The following FHOD3 variants were observed in gnomAD, a reference collection of about 807,000 sequenced individuals.
FHOD3 encodes the protein formin homology 2 domain containing 3, also known as FH1/FH2 domain-containing protein 3.
In FHOD3, 90 loss-of-function variants were observed where a neutral mutation model predicts 173.0. The ratio of observed to expected loss-of-function variants is 0.52; its 90% confidence interval spans 0.44 to 0.62. The LOEUF (loss-of-function observed/expected upper bound fraction) is 0.62. Among genes scored for constraint, FHOD3 ranks in the 20% least tolerant of loss-of-function variants. The pLI is 0.00. For synonymous variants in FHOD3, 828 were observed against 823.0 expected (o/e 1.01, Z -0.10); for missense variants, 1,945 against 2,034.7 (o/e 0.96, Z 0.85).
intron 8 of FHOD3, among the ~76,000 whole-genome samples, chr18:36,610,705 G>A (rs2032586650): frequency 6.6e-6 from 1 of 152,212 alleles, no homozygotes; most frequent in Admixed American, 6.5e-5. Context: ...CAAGATAGAA[G>A]TGTTAGAGAA....
At position 36,779,578 on chromosome 18, in the gene FHOD3, T is replaced by G; in HGVS notation, c.*48T>G. 2 of 1,569,698 alleles carry G rather than the reference T, an allele frequency of 1.3e-6. No individual in the cohort carries two copies. The highest frequency in any genetic ancestry group is 1.8e-6 in the Non-Finnish European group (2 of 1,140,154). On this transcript the variant is annotated 3_prime_UTR_variant, in exon 29 of 29. Transcript: ENST00000590592. ...GTGTGCTGAGCAGAAGGCAAGCTCT[T>G]GCTGGATGAAACCCCTCCAGGTGGG... is the stretch of plus-strand genomic sequence containing the variant.
intron 1 of FHOD3, among the ~76,000 whole-genome samples, chr18:36,355,167 T>G (rs998476502): frequency 2.0e-5 from 3 of 152,222 alleles, no homozygotes; most frequent in Non-Finnish European, 4.4e-5. Context: ...ATTTGCCTTT[T>G]AAGCCCTGTG....
intron 19 of FHOD3, among the ~76,000 whole-genome samples, chr18:36,727,146 A>G (rs1249326961): frequency 6.6e-6 from 1 of 152,054 alleles, no homozygotes; most frequent in Non-Finnish European, 1.5e-5. Flanking sequence ...ACGCTTTGGG[A>G]AGGAAGAGTG....
chr18:36,395,961 C>A (rs1481714494), intron 3 of FHOD3, among the ~76,000 whole-genome samples: 1 of 152,096 alleles, frequency 6.6e-6, no homozygotes, highest in Non-Finnish European at 1.5e-5. Context: ...AATTTGAGGA[C>A]CCTCCTTCTA....
intron 3 of FHOD3, among the ~76,000 whole-genome samples, chr18:36,383,060 G>T (rs1027358667): frequency 2.8e-4 from 42 of 152,198 alleles, no homozygotes; most frequent in Non-Finnish European, 4.6e-4. Flanking sequence ...TGCCCTGTCT[G>T]ATTATTAACA....
At chr18:36,646,343 T>C (rs1431214217) in intron 10 of FHOD3, among the ~76,000 whole-genome samples, 11 of 152,114 alleles carry the variant, frequency 7.2e-5, no homozygotes, top group Non-Finnish European at 1.6e-4. Flanking sequence ...TCTGTGAAAA[T>C]TTAAACACTA....
chr18:36,729,030 A>C (rs1251350815), intron 19 of FHOD3, among the ~76,000 whole-genome samples: 3 of 152,084 alleles, frequency 2.0e-5, no homozygotes, highest in South Asian at 4.1e-4. Flanking sequence ...CCCAGACTAG[A>C]TCCTAGACAT....
At chr18:36,415,392 G>A (rs2049582807) in intron 3 of FHOD3, among the ~76,000 whole-genome samples, 1 of 152,112 alleles carries the variant, frequency 6.6e-6, no homozygotes, top group African/African-American at 2.4e-5. Context: ...TAGGGTGTAG[G>A]GTGAGAATTG....
intron 2 of FHOD3, among the ~76,000 whole-genome samples, chr18:36,369,480 C>T (rs1568180997): frequency 1.5e-5 from 2 of 129,052 alleles, no homozygotes; most frequent in Non-Finnish European, 3.3e-5. Flanking sequence ...CACACACACA[C>T]ACACACACAC....
At chr18:36,561,441 TA>T (rs2058078296) in intron 5 of FHOD3, among the ~76,000 whole-genome samples, 1 of 152,166 alleles carries the variant, frequency 6.6e-6, no homozygotes, top group South Asian at 2.1e-4. Flanking sequence ...CCAGGACTGT[TA>T]GAGCACACGT....
At chr18:36,595,162 C>T (rs2030117063) in intron 7 of FHOD3, among the ~76,000 whole-genome samples, 2 of 152,142 alleles carry the variant, frequency 1.3e-5, no homozygotes, top group Admixed American at 1.3e-4. Context: ...CAGCTCCTGC[C>T]ACTGAAACAC....
intron 14 of FHOD3, among the ~76,000 whole-genome samples, chr18:36,678,538 A>G (rs1256992736): frequency 6.7e-6 from 1 of 148,204 alleles, no homozygotes; most frequent in Non-Finnish European, 1.5e-5. Flanking sequence ...AAAAAAAAAA[A>G]AAAAAAAAAA....
At chr18:36,398,323 G>T (rs560662073) in intron 3 of FHOD3, among the ~76,000 whole-genome samples, 2 of 152,206 alleles carry the variant, frequency 1.3e-5, no homozygotes, top group Non-Finnish European at 2.9e-5. Flanking sequence ...CTTGGCAGTA[G>T]CAGTAGGTGG....
chr18:36,699,882 C>A (rs774965865), intron 17 of FHOD3, among the ~76,000 whole-genome samples: 11 of 152,174 alleles, frequency 7.2e-5, no homozygotes, highest in Non-Finnish European at 1.3e-4. Context: ...GCTGCCTCTG[C>A]CAGATACATC....
chr18:36,575,631 T>A (rs1049359227), intron 5 of FHOD3, among the ~76,000 whole-genome samples: 2 of 152,198 alleles, frequency 1.3e-5, no homozygotes, highest in Non-Finnish European at 1.5e-5. Context: ...TGACAATTAG[T>A]TATGGGTGAA....
chr18:36,701,854 CTA>C (rs2039608024), intron 17 of FHOD3, among the ~76,000 whole-genome samples: 1 of 152,142 alleles, frequency 6.6e-6, no homozygotes, highest in Non-Finnish European at 1.5e-5. Context: ...GTAATTTTGA[CTA>C]TACATGGTCA....
At chr18:36,714,485 CGAG>C (rs1208672723) in intron 18 of FHOD3, among the ~76,000 whole-genome samples, 1 of 152,096 alleles carries the variant, frequency 6.6e-6, no homozygotes, top group Non-Finnish European at 1.5e-5. Flanking sequence ...TGCATTGAGC[CGAG>C]ATCACATCAC....
At chr18:36,539,069 G>A (rs1394517183) in intron 5 of FHOD3, among the ~76,000 whole-genome samples, 10 of 152,140 alleles carry the variant, frequency 6.6e-5, no homozygotes, top group African/African-American at 1.7e-4. Flanking sequence ...AAATCAGTAC[G>A]CATCTTATGT....
chr18:36,589,349 CAGAA>C (rs1179126396), intron 6 of FHOD3, among the ~76,000 whole-genome samples: 1 of 152,170 alleles, frequency 6.6e-6, no homozygotes, highest in African/African-American at 2.4e-5. Flanking sequence ...ATGTAGGTAA[CAGAA>C]AGCCCAAAGG....
Sources: allele counts gnomAD v4.1 joint callset (sites outside exome capture counted in the v4.1 genomes callset), GRCh38; gene constraint gnomAD v4.1.1; transcripts MANE v1.5; gene names NCBI Gene and HGNC (gene_info 2026-07-23, HGNC 2026-07-21).